KANK1: variants seen among roughly 807,000 people sequenced by gnomAD.
KANK1 encodes the protein KN motif and ankyrin repeat domain-containing protein 1.
A neutral mutation model predicts 106.2 loss-of-function variants in KANK1; 109 were observed. That is an observed-to-expected ratio of 1.03 (90% confidence interval 0.88 to 1.20). The LOEUF is 1.20. KANK1 is among the 50% of genes most tolerant of loss of function. The pLI, the probability that KANK1 is intolerant of heterozygous loss-of-function variation, is 0.00. For synonymous variants in KANK1, 873 were observed against 652.2 expected (o/e 1.34, Z -5.16); for missense variants, 2,399 against 1,710.7 (o/e 1.40, Z -7.10).
At chr9:684,943 T>C (rs554961609) in intron 2 of KANK1, among the ~76,000 whole-genome samples, 70 of 152,306 alleles carry the variant, frequency 4.6e-4, no homozygotes, top group Admixed American at 2.7e-3. Flanking sequence ...ACTTCTCTAA[T>C]AAAACCTTTA....
At chr9:741,053 C>T (rs1451910853) in intron 9 of KANK1, 119 bp downstream of exon 9, 4 of 1,114,142 alleles carry the variant, frequency 3.6e-6, no homozygotes, top group Non-Finnish European at 3.8e-6. Flanking sequence ...CACTTGTTTG[C>T]AGGCCTGCCC....
rs560646002 is a variant in KANK1 at position 730,235 on chromosome 9, C to G, written c.2883C>G (p.Ala961=). The change falls in exon 4 of 12, where the codon GCC becomes GCG. Residue 961 remains alanine (A), a synonymous_variant. Coordinates refer to ENST00000382297, the MANE Select transcript of KANK1 (RefSeq NM_015158.5). ...TGAACCTGACAGACGACCAGATCGC[C>G]GCTGGCCTCTATGGTAACTTTTCTC... ...SPVNLTDDQI[A]AGLYACTNNE... is the part of the protein sequence containing the mutation. 20 of 1,614,050 alleles carry G rather than the reference C, an allele frequency of 1.2e-5. No homozygotes were observed. In the African/African-American group the frequency reaches 2.5e-4, roughly 20 times the overall value.
At chr9:677,318 C>T (rs112971114) in intron 2 of KANK1, among the ~76,000 whole-genome samples, 1 of 152,128 alleles carries the variant, frequency 6.6e-6, no homozygotes, top group Admixed American at 6.5e-5. Flanking sequence ...GCACTTCTTT[C>T]TGAGGGATTG....
chr9:712,309 G>C lies in KANK1; in HGVS notation c.1543G>C (p.Val515Leu). 6.2e-7 allele frequency: 1 copy of C among 1,614,236 alleles called. No homozygotes were observed. The highest frequency in any genetic ancestry group is 1.1e-5 in the South Asian group (1 of 91,088). The change falls in exon 3 of 12, where the codon GTG (valine) becomes CTG (leucine). Residue 515 changes from valine (V) to leucine (L), a missense_variant. Transcript: ENST00000382297. ...GGCCCAGCCGCTTGTTTTCAGTAAG[G>C]TGGTGGAGGCAGTGGTGCAGACCAG... ...TMAQPLVFSKVVEAVVQTRDQ... is the reference protein window; with the variant it reads ...TMAQPLVFSKLVEAVVQTRDQ...
At chr9:502,785 C>G (rs774767404), upstream of KANK1, among the ~76,000 whole-genome samples, 2 of 152,112 alleles carry the variant, frequency 1.3e-5, no homozygotes, top group Non-Finnish European at 2.9e-5. Context: ...CTCGGCCTCA[C>G]AAAGTGCTGG....
At chr9:605,041 C>T (rs918629168) in intron 1 of KANK1, among the ~76,000 whole-genome samples, 3 of 151,746 alleles carry the variant, frequency 2.0e-5, no homozygotes, top group African/African-American at 4.9e-5. Flanking sequence ...TGGTGGCTCA[C>T]GCCTGTAATC....
intron 1 of KANK1, among the ~76,000 whole-genome samples, chr9:595,849 G>A (rs974161662): frequency 6.6e-6 from 1 of 151,860 alleles, no homozygotes. Context: ...ATGATAGATA[G>A]AAGAATTATT....
At chr9:504,826 C>T (rs924559418) in intron 1 of KANK1, 72 bp downstream of exon 1, 1 of 97,924 alleles carries the variant, frequency 1.0e-5, no homozygotes, top group African/African-American at 4.0e-5. Context: ...AGGCCCCTAC[C>T]CCTGCCTCGG....
At chr9:628,570 G>T (rs1395107207) in intron 1 of KANK1, among the ~76,000 whole-genome samples, 2 of 152,178 alleles carry the variant, frequency 1.3e-5, no homozygotes, top group East Asian at 1.9e-4. Flanking sequence ...TAGATTCCCT[G>T]CTTGAGGGCA....
At chr9:643,078 A>G (rs1304976722) in intron 1 of KANK1, among the ~76,000 whole-genome samples, 1 of 150,842 alleles carries the variant, frequency 6.6e-6, no homozygotes, top group Non-Finnish European at 1.5e-5. Context: ...GTCATTTTTC[A>G]GATTCTGGTC....
intron 2 of KANK1, among the ~76,000 whole-genome samples, chr9:702,584 A>G (rs899708192): frequency 6.6e-6 from 1 of 152,200 alleles, no homozygotes; most frequent in African/African-American, 2.4e-5. Context: ...TGTAAGTCGA[A>G]TGTGTGAATA....
intron 1 of KANK1, among the ~76,000 whole-genome samples, chr9:648,181 T>C (rs1231503525): frequency 1.4e-5 from 2 of 143,994 alleles, no homozygotes; most frequent in African/African-American, 5.9e-5. Context: ...TTTTTATATT[T>C]TTAGTAGAGA....
chr9:499,027 A>C (rs1274378106), intron 3 of KANK1, among the ~76,000 whole-genome samples: 1 of 152,036 alleles, frequency 6.6e-6, no homozygotes, highest in African/African-American at 2.4e-5. Flanking sequence ...AATAAAAAAA[A>C]ATTAGCCAGG....
intron 1 of KANK1, among the ~76,000 whole-genome samples, chr9:658,237 A>T (rs1022830): frequency 0.56 from 85,261 of 151,868 alleles, 25,089 homozygotes; most frequent in East Asian, 0.88. Flanking sequence ...TAAACAAAAC[A>T]CTTAAAAATA....
intron 1 of KANK1, among the ~76,000 whole-genome samples, chr9:630,129 T>C (rs999972462): frequency 6.6e-6 from 1 of 151,964 alleles, no homozygotes; most frequent in Non-Finnish European, 1.5e-5. Context: ...GTGCCTATAG[T>C]CCCAGCTACT....
At chr9:598,260 T>G (rs560804165) in intron 1 of KANK1, among the ~76,000 whole-genome samples, 8 of 151,980 alleles carry the variant, frequency 5.3e-5, no homozygotes, top group Middle Eastern at 3.4e-3. Context: ...TTTTGATTAC[T>G]GTAGCTTTGT....
At chr9:725,004 G>A (rs1444896746) in intron 3 of KANK1, among the ~76,000 whole-genome samples, 1 of 152,166 alleles carries the variant, frequency 6.6e-6, no homozygotes, top group Non-Finnish European at 1.5e-5. Context: ...AAGTCACATA[G>A]TGTGAAACGT....
intron 3 of KANK1, among the ~76,000 whole-genome samples, chr9:486,344 T>C (rs966927752): frequency 1.3e-5 from 2 of 152,170 alleles, no homozygotes; most frequent in African/African-American, 4.8e-5. Context: ...CTTGAAGTAA[T>C]CATCATCGTC....
chr9:612,729 C>T (rs1449644114), intron 1 of KANK1, among the ~76,000 whole-genome samples: 2 of 152,142 alleles, frequency 1.3e-5, no homozygotes, highest in Admixed American at 1.3e-4. Context: ...TCTCAGGCGG[C>T]CATACTGGAA....
Sources: gnomAD v4.1 joint callset for allele counts (sites outside exome capture counted in the v4.1 genomes callset) on GRCh38, gnomAD v4.1.1 for gene constraint, MANE v1.5 for transcripts, NCBI Gene and HGNC (gene_info 2026-07-23, HGNC 2026-07-21) for gene names.